HS3ST4: variants seen among roughly 807,000 people sequenced by gnomAD.
The protein encoded by HS3ST4 is heparan sulfate-glucosamine 3-sulfotransferase 4.
In HS3ST4, 17 loss-of-function variants were observed where a neutral mutation model predicts 29.2. The observed-to-expected ratio is 0.58, with a 90% CI of 0.40 to 0.87. The LOEUF (loss-of-function observed/expected upper bound fraction) is 0.87, where lower values mean the gene tolerates loss of function less well. Ranked by LOEUF, HS3ST4 falls within the 40% of genes least tolerant of loss-of-function variation. The probability of loss-of-function intolerance (pLI) is 0.00; values close to 1 mark genes in which losing one functional copy is unlikely to be tolerated. For synonymous variants in HS3ST4, 314 were observed against 285.7 expected (o/e 1.10, Z -1.00); for missense variants, 627 against 634.5 (o/e 0.99, Z 0.13).
intron 1 of HS3ST4, among the ~76,000 whole-genome samples, chr16:26,089,310 G>T (rs982133084): frequency 6.6e-6 from 1 of 152,230 alleles, no homozygotes; most frequent in African/African-American, 2.4e-5. Context: ...TGGAAGGGCA[G>T]TTCTCAGTCT....
At chr16:25,928,346 C>T (rs193253862) in intron 1 of HS3ST4, among the ~76,000 whole-genome samples, 91 of 151,468 alleles carry the variant, frequency 6.0e-4, no homozygotes, top group African/African-American at 2.1e-3. Flanking sequence ...GCCTGGGCAA[C>T]AGAGCGAGAC....
chr16:25,839,319 G>A (rs1486453667), intron 1 of HS3ST4, among the ~76,000 whole-genome samples: 1 of 152,182 alleles, frequency 6.6e-6, no homozygotes. Flanking sequence ...GGAAGACTTG[G>A]CTGTCTTGCT....
chr16:25,997,944 A>G (rs1360471083), intron 1 of HS3ST4, among the ~76,000 whole-genome samples: 1 of 152,170 alleles, frequency 6.6e-6, no homozygotes, highest in Non-Finnish European at 1.5e-5. Flanking sequence ...TTTTCAAATA[A>G]TGAATATTCA....
intron 1 of HS3ST4, among the ~76,000 whole-genome samples, chr16:26,124,452 T>A (rs1392050364): frequency 6.6e-6 from 1 of 152,178 alleles, no homozygotes; most frequent in Admixed American, 6.5e-5. Context: ...AAAATACAAA[T>A]TTTTAAATTG....
intron 1 of HS3ST4, among the ~76,000 whole-genome samples, chr16:25,731,087 A>G (rs1014211187): frequency 2.6e-5 from 4 of 152,020 alleles, no homozygotes. Flanking sequence ...ACATGTGCCC[A>G]GTGTTGCCAG....
intron 1 of HS3ST4, among the ~76,000 whole-genome samples, chr16:25,838,109 A>G (rs747416189): frequency 6.6e-6 from 1 of 152,240 alleles, no homozygotes; most frequent in Non-Finnish European, 1.5e-5. Context: ...CTTCTCAGCT[A>G]TGTAAATGTG....
At chr16:25,967,703 C>T (rs973206431) in intron 1 of HS3ST4, among the ~76,000 whole-genome samples, 4 of 152,156 alleles carry the variant, frequency 2.6e-5, no homozygotes, top group African/African-American at 9.7e-5. Context: ...AGAATCACCT[C>T]CTGGACTCAA....
chr16:25,873,650 A>ATCCG (rs1227946459), intron 1 of HS3ST4, among the ~76,000 whole-genome samples: 7 of 58,084 alleles, frequency 1.2e-4, no homozygotes, highest in South Asian at 1.7e-3. Context: ...CCATCCATCC[A>ATCCG]TCCGTCCGTC....
chr16:25,770,124 C>G (rs1369305409), intron 1 of HS3ST4, among the ~76,000 whole-genome samples: 2 of 152,150 alleles, frequency 1.3e-5, no homozygotes, highest in African/African-American at 4.8e-5. Context: ...TTAAAAGTTT[C>G]AGAATTCATA....
intron 1 of HS3ST4, among the ~76,000 whole-genome samples, chr16:25,854,750 C>A (rs1219430389): frequency 1.3e-5 from 2 of 151,440 alleles, no homozygotes; most frequent in African/African-American, 4.9e-5. Flanking sequence ...TTTACTGGAG[C>A]CCTTGGTGTG....
chr16:25,863,303 A>T (rs1193277649), intron 1 of HS3ST4, among the ~76,000 whole-genome samples: 2 of 152,038 alleles, frequency 1.3e-5, no homozygotes, highest in East Asian at 1.9e-4. Context: ...GGATGATCTC[A>T]ATCTCTTGAC....
Position 25,904,692 on chromosome 16 carries a change from A to C in HS3ST4, c.734+211541A>C, listed in dbSNP as rs117175289. Among the ~76,000 whole-genome samples the C allele has an allele frequency of 2.9e-3, 439 of 152,298 alleles. 3 individuals are homozygous for C. Among genetic ancestry groups the C allele is most frequent in the Non-Finnish European group, 3.6e-3 (243 of 68,026 alleles). ...CAAGAGAAAGAATTTTGAGATTTTA[A>C]TAATACCTAATTCTGATTCTGTTTG... On this transcript the variant is annotated intron_variant, in intron 1 of 1. Transcript: ENST00000331351.
chr16:25,763,341 C>G (rs72778944), intron 1 of HS3ST4, among the ~76,000 whole-genome samples: 1 of 152,206 alleles, frequency 6.6e-6, no homozygotes, highest in African/African-American at 2.4e-5. Context: ...GGAAATGCCA[C>G]CTGATGGCTG....
At chr16:25,912,618 C>G (rs1475778947) in intron 1 of HS3ST4, among the ~76,000 whole-genome samples, 1 of 152,172 alleles carries the variant, frequency 6.6e-6, no homozygotes, top group Admixed American at 6.5e-5. Context: ...TTTATCACTG[C>G]ATCCTCACTG....
chr16:26,007,731 C>T (rs1326410624), intron 1 of HS3ST4, among the ~76,000 whole-genome samples: 1 of 152,164 alleles, frequency 6.6e-6, no homozygotes, highest in East Asian at 1.9e-4. Context: ...CTTCAGGGGA[C>T]ATTATGCTCT....
chr16:25,814,153 G>A (rs1325465440), intron 1 of HS3ST4, among the ~76,000 whole-genome samples: 1 of 152,202 alleles, frequency 6.6e-6, no homozygotes, highest in Non-Finnish European at 1.5e-5. Flanking sequence ...GTTTTCAGTG[G>A]AGGCTAAATG....
intron 1 of HS3ST4, among the ~76,000 whole-genome samples, chr16:25,696,687 T>G (rs1262248806): frequency 6.6e-6 from 1 of 152,146 alleles, no homozygotes; most frequent in Non-Finnish European, 1.5e-5. Context: ...ATACACACAT[T>G]CCATTGGCTA....
intron 1 of HS3ST4, among the ~76,000 whole-genome samples, chr16:26,013,737 C>T (rs1235523166): frequency 5.9e-5 from 9 of 152,084 alleles, no homozygotes; most frequent in East Asian, 1.9e-4. Flanking sequence ...TGGCCGGGAG[C>T]GGTGGCTCAT....
intron 1 of HS3ST4, among the ~76,000 whole-genome samples, chr16:25,853,364 T>C (rs1382031411): frequency 2.0e-5 from 3 of 152,044 alleles, no homozygotes; most frequent in African/African-American, 7.2e-5. Context: ...TAACTTCTTT[T>C]TTTTCCAATT....
Sources: allele counts gnomAD v4.1 joint callset (sites outside exome capture counted in the v4.1 genomes callset), GRCh38; gene constraint gnomAD v4.1.1; transcripts MANE v1.5; gene names NCBI Gene and HGNC (gene_info 2026-07-23, HGNC 2026-07-21).